ZPLD1: variants seen among roughly 807,000 people sequenced by gnomAD.
ZPLD1 encodes the protein zona pellucida like domain containing 1.
Under a neutral mutation model 47.2 loss-of-function variants are expected in ZPLD1, and 34 were observed. The ratio of observed to expected loss-of-function variants is 0.72; its 90% CI spans 0.55 to 0.96. The LOEUF (loss-of-function observed/expected upper bound fraction) is 0.96. Ranked by LOEUF, ZPLD1 falls within the 40% of genes least tolerant of loss-of-function variation. ZPLD1 has a pLI of 0.00. For missense variants in ZPLD1, 512 were observed against 505.8 expected, an observed-to-expected ratio of 1.01 and a Z score of -0.12; for synonymous variants, 176 against 186.2, an observed-to-expected ratio of 0.95 and a Z score of 0.45.
chr3:102,449,955 TG>T (rs1707311712), intron 3 of ZPLD1, among the ~76,000 whole-genome samples: 1 of 152,182 alleles, frequency 6.6e-6, no homozygotes, highest in South Asian at 2.1e-4. Context: ...AGTTACTCAC[TG>T]GAGTACATTG....
chr3:102,456,101 A>G, intron 4 of ZPLD1, 92 bp from the exon 5 acceptor site: 7 of 1,058,736 alleles, frequency 6.6e-6, no homozygotes, highest in Non-Finnish European at 9.3e-6. Flanking sequence ...AGACTCTAGA[A>G]TAGATTTTGC....
At chr3:102,398,982 A>G (rs1435955536) in intron 7 of ZPLD1, among the ~76,000 whole-genome samples, 1 of 152,174 alleles carries the variant, frequency 6.6e-6, no homozygotes, top group Non-Finnish European at 1.5e-5. Context: ...TGGAACAATA[A>G]AATTCACATG....
At chr3:102,439,713 T>C (rs1269142838) in intron 3 of ZPLD1, among the ~76,000 whole-genome samples, 1 of 152,200 alleles carries the variant, frequency 6.6e-6, no homozygotes, top group Non-Finnish European at 1.5e-5. Flanking sequence ...CTCCCATCTC[T>C]GGCATATTTA....
chr3:102,386,233 T>A (rs1423256374), intron 6 of ZPLD1, among the ~76,000 whole-genome samples: 1 of 151,900 alleles, frequency 6.6e-6, no homozygotes, highest in African/African-American at 2.4e-5. Flanking sequence ...TGGATACTTT[T>A]AAAAAATACC....
intron 3 of ZPLD1, among the ~76,000 whole-genome samples, chr3:102,452,081 T>C (rs1172068471): frequency 1.3e-5 from 2 of 151,180 alleles, no homozygotes; most frequent in Non-Finnish European, 2.9e-5. Context: ...CTACATTACA[T>C]GTAGAAAAAT....
intron 6 of ZPLD1, among the ~76,000 whole-genome samples, chr3:102,388,605 C>T (rs1420284293): frequency 1.3e-5 from 2 of 152,064 alleles, no homozygotes; most frequent in East Asian, 3.9e-4. Flanking sequence ...TTCCTGTTTA[C>T]CACTAGTTTC....
upstream of ZPLD1, among the ~76,000 whole-genome samples, chr3:102,431,968 C>A (rs922605436): frequency 6.6e-6 from 1 of 152,066 alleles, no homozygotes; most frequent in African/African-American, 2.4e-5. Flanking sequence ...ATGTACTTTT[C>A]CTGGAGAGAA....
chr3:102,437,996 T>C (rs977570963), intron 2 of ZPLD1, among the ~76,000 whole-genome samples: 2 of 152,216 alleles, frequency 1.3e-5, no homozygotes, highest in African/African-American at 4.8e-5. Flanking sequence ...TTTTCTGTTT[T>C]CTGTTAAGGG....
At chr3:102,455,784 T>C (rs945345715) in intron 4 of ZPLD1, among the ~76,000 whole-genome samples, 2 of 152,020 alleles carry the variant, frequency 1.3e-5, no homozygotes, top group African/African-American at 4.8e-5. Context: ...GGATACATCA[T>C]GGGAAAGTGG....
intron 7 of ZPLD1, among the ~76,000 whole-genome samples, chr3:102,399,538 T>C (rs1180593435): frequency 6.6e-6 from 1 of 152,064 alleles, no homozygotes; most frequent in African/African-American, 2.4e-5. Flanking sequence ...TAGTTCTCGG[T>C]CAGTATATGG....
intron 3 of ZPLD1, among the ~76,000 whole-genome samples, chr3:102,450,144 A>G (rs2107332531): frequency 6.6e-6 from 1 of 152,314 alleles, no homozygotes; most frequent in East Asian, 1.9e-4. Flanking sequence ...AGTAGGAGTT[A>G]CTTAGGCAAA....
At chr3:102,434,075 T>A (rs1707051672), upstream of ZPLD1, among the ~76,000 whole-genome samples, 7 of 152,344 alleles carry the variant, frequency 4.6e-5, no homozygotes, top group South Asian at 1.5e-3. Context: ...GAATTCTGCA[T>A]TGCCATTTAC....
chr3:102,412,444 A>G (rs1004148727), intron 7 of ZPLD1, among the ~76,000 whole-genome samples: 24 of 151,804 alleles, frequency 1.6e-4, no homozygotes, highest in Admixed American at 1.5e-3. Flanking sequence ...CTGCTACACT[A>G]GCTGTAGGGT....
At chr3:102,451,964 G>A (rs1190217405) in intron 3 of ZPLD1, among the ~76,000 whole-genome samples, 1 of 151,848 alleles carries the variant, frequency 6.6e-6, no homozygotes, top group African/African-American at 2.4e-5. Flanking sequence ...CTTTTTTTGG[G>A]GGGACATAAT....
intron 7 of ZPLD1, among the ~76,000 whole-genome samples, chr3:102,399,202 C>T (rs1054472426): frequency 1.3e-5 from 2 of 152,120 alleles, no homozygotes; most frequent in Non-Finnish European, 2.9e-5. Context: ...CATGTTCATA[C>T]AGAGGGTAGA....
At chr3:102,390,949 T>G (rs1706488399) in intron 6 of ZPLD1, among the ~76,000 whole-genome samples, 1 of 152,060 alleles carries the variant, frequency 6.6e-6, no homozygotes, top group Non-Finnish European at 1.5e-5. Flanking sequence ...AAAAAAAATG[T>G]CAGAAAAGGA....
At chr3:102,386,200 C>G (rs1706422858) in intron 6 of ZPLD1, among the ~76,000 whole-genome samples, 1 of 152,016 alleles carries the variant, frequency 6.6e-6, no homozygotes. Flanking sequence ...GTTTTCAACC[C>G]TTGGTGTCAC....
At chr3:102,445,476 T>C (rs1430803761) in intron 3 of ZPLD1, among the ~76,000 whole-genome samples, 3 of 152,212 alleles carry the variant, frequency 2.0e-5, no homozygotes, top group Non-Finnish European at 2.9e-5. Flanking sequence ...AATCCACCTA[T>C]GAGCTATCTT....
intron 4 of ZPLD1, among the ~76,000 whole-genome samples, chr3:102,453,500 C>T (rs552276705): frequency 6.6e-6 from 1 of 152,272 alleles, no homozygotes; most frequent in South Asian, 2.1e-4. Context: ...GTGAGTCTGG[C>T]AGTGAACCGC....
Sources: gnomAD v4.1 joint callset for allele counts (sites outside exome capture counted in the v4.1 genomes callset) on GRCh38, gnomAD v4.1.1 for gene constraint, MANE v1.5 for transcripts, NCBI Gene and HGNC (gene_info 2026-07-23, HGNC 2026-07-21) for gene names.